Variants in TPR observed in about 807,000 individuals in gnomAD.
TPR encodes the protein nucleoprotein TPR.
In TPR, 51 loss-of-function variants were observed where a neutral mutation model predicts 316.1. The ratio of observed to expected loss-of-function variants is 0.16; its 90% CI spans 0.13 to 0.20. The LOEUF (loss-of-function observed/expected upper bound fraction) is 0.20, where lower values mean the gene tolerates loss of function less well. Among genes scored for constraint, TPR ranks in the 10% least tolerant of loss-of-function variants. The pLI is 1.00. For synonymous variants in TPR, 981 were observed against 914.7 expected, an observed-to-expected ratio of 1.07 and a Z score of -1.31; for missense variants, 2,272 against 2,754.8, an observed-to-expected ratio of 0.82 and a Z score of 3.92.
At position 186,340,695 on chromosome 1, in the gene TPR, T is replaced by C. The variant is rs186121135; in HGVS notation, c.4020+333A>G. On this transcript the variant is annotated intron_variant, in intron 29 of 50. Coordinates refer to ENST00000367478, the MANE Select transcript of TPR (RefSeq NM_003292.3). ...ATCCTCCCATCTTGGCTTCCGAAAG[T>C]GCTGGGATTACAGGCATGAGCCACC... is the stretch of plus-strand genomic sequence containing the variant. Among the ~76,000 whole-genome samples, 19 of 152,232 alleles carry C rather than the reference T, an allele frequency of 1.2e-4. No individual in the cohort carries two copies. In the East Asian group the frequency reaches 3.7e-3, roughly 29 times the overall value.
chr1:186,353,101 T>G (rs1658913397), intron 18 of TPR, among the ~76,000 whole-genome samples: 1 of 152,114 alleles, frequency 6.6e-6, no homozygotes, highest in Admixed American at 6.5e-5. Context: ...GGCCAGGCAC[T>G]GTGGCTCATG....
chr1:186,320,078 A>G (rs571305406), intron 46 of TPR, among the ~76,000 whole-genome samples: 26 of 152,346 alleles, frequency 1.7e-4, no homozygotes, highest in African/African-American at 6.3e-4. Context: ...GAGCCAGAAG[A>G]GATACTAATG....
Position 186,320,234 on chromosome 1 carries a change from TC to T in TPR, c.6568+77del. 5.8e-6 allele frequency: 7 copies of T among 1,209,882 alleles called. No individual in the cohort carries two copies. In the South Asian group the frequency reaches 7.1e-5, roughly 12 times the overall value. The allele number at this position is 1,209,882 out of a possible 1,614,324, so 74.9% of individuals were successfully genotyped here. A position where few individuals can be genotyped will look rare whatever the true frequency, so the allele number is the denominator to read the frequency against. On this transcript the variant is annotated intron_variant, in intron 46 of 50. Transcript: ENST00000367478. ...TAAAAATATTCATATTTGCTCTTTT[TC>T]CCCCCTTAAATCACATCTTAATAGT...
At chr1:186,332,471 A>G (rs1452311474) in intron 37 of TPR, 128 bp from the exon 38 acceptor site, 4 of 983,350 alleles carry the variant, frequency 4.1e-6, no homozygotes, top group Admixed American at 6.1e-5. Context: ...GATTACTAAA[A>G]TACAATCAAT....
intron 3 of TPR, among the ~76,000 whole-genome samples, chr1:186,369,113 GT>G (rs1386413458): frequency 6.6e-6 from 1 of 152,072 alleles, no homozygotes; most frequent in Non-Finnish European, 1.5e-5. Context: ...TCACTTTTCT[GT>G]TTTTATGTCA....
At chr1:186,331,386 A>T (rs1469711653) in intron 39 of TPR, 112 bp downstream of exon 39, 4 of 680,166 alleles carry the variant, frequency 5.9e-6, no homozygotes, top group African/African-American at 3.7e-5. Context: ...ATTTCATTAC[A>T]TATAATAAGA....
intron 30 of TPR, among the ~76,000 whole-genome samples, chr1:186,339,169 C>A (rs904808192): frequency 8.6e-5 from 13 of 152,026 alleles, no homozygotes; most frequent in Non-Finnish European, 1.3e-4. Flanking sequence ...ATGGCTCATG[C>A]CTGTAATCCC....
intron 46 of TPR, among the ~76,000 whole-genome samples, chr1:186,319,216 T>C (rs796337732): frequency 8.5e-5 from 13 of 152,294 alleles, no homozygotes; most frequent in African/African-American, 3.1e-4. Flanking sequence ...CCTGAACTCC[T>C]GGCCTCAAGT....
Position 186,335,552 on chromosome 1 carries a change from G to A in TPR, c.4706-9C>T. The A allele has an allele frequency of 6.4e-7, 1 of 1,565,068 alleles. No homozygotes were observed. The highest frequency in any genetic ancestry group is 1.2e-5 in the South Asian group (1 of 82,696). The stretch of plus-strand genomic sequence containing the variant: ...TAGCTGATCTTTTACACCTAAAGAA[G>A]TAACCAGGCGATTATATTAATATTA... On this transcript the variant is annotated splice_polypyrimidine_tract_variant and intron_variant, in intron 33 of 50. Coordinates refer to ENST00000367478, the MANE Select transcript of TPR (RefSeq NM_003292.3).
In TPR at chr1:186,340,211, A is replaced by C. The variant is rs1459026894; in HGVS notation, c.4021-439T>G. Reference sequence around the variant, plus strand: ...GCTTCACATTTGTTAAATTTTTATCACACGAAAGGTGATAAGGGAAAACTA... The same window carrying C: ...GCTTCACATTTGTTAAATTTTTATCCCACGAAAGGTGATAAGGGAAAACTA... On this transcript the variant is annotated intron_variant, in intron 29 of 50. Coordinates refer to ENST00000367478, the MANE Select transcript of TPR (RefSeq NM_003292.3). Among the ~76,000 whole-genome samples, 4 of 152,298 alleles carry C rather than the reference A, an allele frequency of 2.6e-5. No individual in the cohort carries two copies. The East Asian group carries it at 7.7e-4, about 29-fold the overall frequency.
intron 42 of TPR, chr1:186,325,465 T>C (rs972252315): frequency 9.2e-6 from 2 of 216,684 alleles, no homozygotes; most frequent in South Asian, 1.2e-4. Flanking sequence ...CTGTTACAAG[T>C]AGTCCCTAAT....
chr1:186,330,911 A>T (rs1256475672), intron 39 of TPR, among the ~76,000 whole-genome samples: 1 of 152,084 alleles, frequency 6.6e-6, no homozygotes, highest in Non-Finnish European at 1.5e-5. Flanking sequence ...CCTAAAAATT[A>T]TATTTTTTGA....
At position 186,362,965 on chromosome 1, in the gene TPR, G is replaced by C; in HGVS notation, c.568C>G (p.Leu190Val). ...EKRLEQEKELLHSQNTWLNTE... is the reference protein window; with the variant it reads ...EKRLEQEKELVHSQNTWLNTE... Reference sequence around the variant, plus strand: ...TTCAGCCATGTATTCTGACTATGTAGCAATTCCTTTTCTTGCTCCAAGCGT... The same window carrying C: ...TTCAGCCATGTATTCTGACTATGTACCAATTCCTTTTCTTGCTCCAAGCGT... Residue 190 changes from leucine (L) to valine (V), a missense_variant, in exon 6 of 51, where the codon CTA becomes GTA. Around this residue, in one of 10 missense-constraint regions of TPR, gnomAD observed 549 missense variants for 598.6 expected, o/e 0.92. Transcript: ENST00000367478. 1 of 1,606,128 alleles carries C rather than the reference G, an allele frequency of 6.2e-7. No individual in the cohort carries two copies. The highest frequency in any genetic ancestry group is 8.5e-7 in the Non-Finnish European group (1 of 1,178,052).
intron 21 of TPR, 118 bp downstream of exon 21, chr1:186,350,105 T>G: frequency 9.7e-7 from 1 of 1,029,580 alleles, no homozygotes. Context: ...TTTTTTTTTG[T>G]GTTTGTTTCA....
intron 30 of TPR, among the ~76,000 whole-genome samples, chr1:186,339,118 GA>G (rs1658425912): frequency 6.6e-6 from 1 of 152,052 alleles, no homozygotes; most frequent in South Asian, 2.1e-4. Flanking sequence ...TAGTTCATGT[GA>G]GAAAAAATTA....
intron 22 of TPR, 51 bp from the exon 23 acceptor site, chr1:186,346,338 C>T: frequency 6.6e-7 from 1 of 1,503,930 alleles, no homozygotes; most frequent in Non-Finnish European, 8.9e-7. Flanking sequence ...CATTTAAAGT[C>T]ATACAATTAT....
At chr1:186,332,440 C>T in intron 37 of TPR, 97 bp from the exon 38 acceptor site, 1 of 1,244,100 alleles carries the variant, frequency 8.0e-7, no homozygotes, top group Non-Finnish European at 1.1e-6. Flanking sequence ...AAGGAGAACA[C>T]AGTAAACATT....
rs74366715 is a variant in TPR, at chr1:186,318,871, T to A, written c.6569-43A>T. 1.6e-4 allele frequency: 258 copies of A among 1,579,586 alleles called. 1 individual carries two copies. In the East Asian group the frequency reaches 4.7e-3, roughly 29 times the overall value. On this transcript the variant is annotated intron_variant, in intron 46 of 50. Coordinates refer to ENST00000367478, the MANE Select transcript of TPR (RefSeq NM_003292.3). ...TATTAATGAATGACTGAAAAAAACA[T>A]AAAATTATCAACAAGTCAGGGATGT...
rs774256854 is a variant in TPR, at chr1:186,343,395, C to G, written c.3681G>C (p.Arg1227Ser). ...GCAGCTCTCTTTCTAAAAGTTCAAC[C>G]CTTTGTCGATAACGCAGACTCTCAA... ...AQVESLRYRQ[R>S]VELLERELQE... The change falls in exon 27 of 51, where the codon AGG becomes AGC. Residue 1227 changes from arginine to serine, a missense_variant. Arg to Ser is a moderately radical substitution (Grantham distance 110). This residue lies in a region of TPR where 757 missense variants were observed against 859.8 expected (regional missense o/e 0.88). Transcript: ENST00000367478. 3 of 1,614,078 alleles carry G rather than the reference C, an allele frequency of 1.9e-6. No homozygotes were observed. Among genetic ancestry groups the G allele is most frequent in the Non-Finnish European group, 2.5e-6 (3 of 1,179,980 alleles).
Sources: allele counts gnomAD v4.1 joint callset (sites outside exome capture counted in the v4.1 genomes callset), GRCh38; gene constraint gnomAD v4.1.1; regional missense constraint gnomAD v4.1.1; transcripts MANE v1.5; gene names NCBI Gene and HGNC (gene_info 2026-07-23, HGNC 2026-07-21).